Variants in NELL1 observed in about 807,000 individuals in gnomAD.
NELL1 encodes neural EGFL like 1, also known as protein kinase C-binding protein NELL1.
In NELL1, 76 loss-of-function variants were observed where a neutral mutation model predicts 107.4. The ratio of observed to expected loss-of-function variants is 0.71; its 90% CI spans 0.59 to 0.86. The LOEUF (loss-of-function observed/expected upper bound fraction) is 0.86, where lower values mean the gene tolerates loss of function less well. NELL1 is among the 40% of genes least tolerant of loss of function. NELL1 has a pLI of 0.00. For synonymous variants in NELL1, 353 were observed against 341.2 expected, an observed-to-expected ratio of 1.03 and a Z score of -0.38; for missense variants, 1,024 against 1,005.5, an observed-to-expected ratio of 1.02 and a Z score of -0.25.
chr11:20,855,373 T>C (rs1048499813), intron 4 of NELL1, among the ~76,000 whole-genome samples: 1 of 152,178 alleles, frequency 6.6e-6, no homozygotes. Context: ...ATAGACTCTT[T>C]CCTTTATCTG....
chr11:21,385,329 A>G (rs1851717637), intron 15 of NELL1, among the ~76,000 whole-genome samples: 1 of 151,938 alleles, frequency 6.6e-6, no homozygotes, highest in African/African-American at 2.4e-5. Context: ...TTTAACAAGA[A>G]GAAGCTCTTT....
intron 9 of NELL1, among the ~76,000 whole-genome samples, chr11:20,932,437 T>G (rs993596000): frequency 6.6e-6 from 1 of 152,152 alleles, no homozygotes; most frequent in Non-Finnish European, 1.5e-5. Flanking sequence ...GAGGTTGAAA[T>G]AGAGCTGCAA....
chr11:21,163,024 CCTGT>C (rs1856406088), intron 13 of NELL1, among the ~76,000 whole-genome samples: 1 of 152,140 alleles, frequency 6.6e-6, no homozygotes, highest in African/African-American at 2.4e-5. Context: ...AGGGATTAAA[CCTGT>C]CTATGAGACT....
chr11:21,043,376 G>T (rs1287176040), intron 12 of NELL1, among the ~76,000 whole-genome samples: 2 of 152,114 alleles, frequency 1.3e-5, no homozygotes, highest in South Asian at 4.1e-4. Context: ...CATGCTAGAT[G>T]TAAAGTCCTT....
At chr11:21,046,091 T>C (rs1853346797) in intron 12 of NELL1, among the ~76,000 whole-genome samples, 1 of 152,230 alleles carries the variant, frequency 6.6e-6, no homozygotes, top group South Asian at 2.1e-4. Flanking sequence ...TGAGTATTAA[T>C]GGCATTTTAA....
At chr11:21,359,414 A>G (rs777014498) in intron 14 of NELL1, among the ~76,000 whole-genome samples, 1 of 152,118 alleles carries the variant, frequency 6.6e-6, no homozygotes, top group Non-Finnish European at 1.5e-5. Flanking sequence ...CTAGTATTTT[A>G]TTGAAGATGT....
intron 17 of NELL1, among the ~76,000 whole-genome samples, 167 bp downstream of exon 17, chr11:21,560,549 C>T (rs2134001487): frequency 6.6e-6 from 1 of 152,120 alleles, no homozygotes; most frequent in East Asian, 1.9e-4. Context: ...GGTAGGGAAG[C>T]CTGCTTTGAA....
chr11:21,028,340 A>G (rs1852871394), intron 12 of NELL1, among the ~76,000 whole-genome samples: 1 of 152,194 alleles, frequency 6.6e-6, no homozygotes, highest in South Asian at 2.1e-4. Context: ...TGGGAAGAGA[A>G]TAATTACCTC....
intron 2 of NELL1, among the ~76,000 whole-genome samples, chr11:20,682,979 T>G (rs1380256003): frequency 6.6e-6 from 1 of 152,048 alleles, no homozygotes; most frequent in Non-Finnish European, 1.5e-5. Flanking sequence ...AATAAAATAA[T>G]TTGTGTTTTT....
intron 14 of NELL1, among the ~76,000 whole-genome samples, chr11:21,230,096 C>G (rs1251052608): frequency 6.6e-6 from 1 of 152,132 alleles, no homozygotes; most frequent in Admixed American, 6.5e-5. Context: ...TCTTTCATGT[C>G]TCTACTCAAA....
chr11:20,899,912 G>A (rs1213533208), intron 5 of NELL1, among the ~76,000 whole-genome samples: 1 of 152,140 alleles, frequency 6.6e-6, no homozygotes, highest in Non-Finnish European at 1.5e-5. Context: ...AACTATGGTA[G>A]TCTTAGCTTC....
intron 15 of NELL1, among the ~76,000 whole-genome samples, chr11:21,509,351 GTTCTAC>G (rs1312218644): frequency 4.6e-5 from 7 of 152,168 alleles, no homozygotes; most frequent in Non-Finnish European, 7.4e-5. Context: ...TGACCCAACA[GTTCTAC>G]TTCTAGGAAT....
chr11:21,232,718 A>G (rs1858095854), intron 14 of NELL1, among the ~76,000 whole-genome samples: 1 of 152,054 alleles, frequency 6.6e-6, no homozygotes, highest in African/African-American at 2.4e-5. Flanking sequence ...CAGTGGCTTG[A>G]TCTCAGCTCA....
At position 21,450,697 on chromosome 11, in the gene NELL1, A is replaced by C. The variant is rs551623588; in HGVS notation, c.1645+79749A>C. On this transcript the variant is annotated intron_variant, in intron 15 of 19. Transcript: ENST00000357134. ...ATATGATGAATTTGGAAGAAAGCCG[A>C]ATCTGGACAGACAGGAAAGGAAGGG... Among the ~76,000 whole-genome samples the C allele has an allele frequency of 5.0e-4, 76 of 152,314 alleles. 1 individual carries two copies. The South Asian group carries it at 0.015, about 29-fold the overall frequency.
intron 3 of NELL1, among the ~76,000 whole-genome samples, chr11:20,841,018 C>T (rs760902637): frequency 7.2e-5 from 11 of 152,136 alleles, no homozygotes; most frequent in Non-Finnish European, 1.3e-4. Context: ...TGCCTTTCTT[C>T]GGTTTCATGT....
chr11:20,699,198 C>A (rs1854704907), intron 2 of NELL1, among the ~76,000 whole-genome samples: 1 of 151,750 alleles, frequency 6.6e-6, no homozygotes. Flanking sequence ...GCCTGGGCAA[C>A]AGAGCAAGAC....
At chr11:21,455,962 C>T (rs1272607880) in intron 15 of NELL1, among the ~76,000 whole-genome samples, 1 of 100,448 alleles carries the variant, frequency 1.0e-5, no homozygotes, top group Non-Finnish European at 2.0e-5. Context: ...GATCTCGGCT[C>T]ACTACAACCT....
At chr11:20,818,883 T>A (rs1322055093) in intron 3 of NELL1, among the ~76,000 whole-genome samples, 1 of 152,250 alleles carries the variant, frequency 6.6e-6, no homozygotes, top group Admixed American at 6.5e-5. Context: ...TATTAGTCCC[T>A]GTGCTAGGTA....
intron 12 of NELL1, among the ~76,000 whole-genome samples, chr11:21,087,817 G>A (rs1854430768): frequency 6.6e-6 from 1 of 152,126 alleles, no homozygotes; most frequent in Non-Finnish European, 1.5e-5. Context: ...GGTTTGATTG[G>A]AACATAGCCA....
Sources: allele counts gnomAD v4.1 joint callset (sites outside exome capture counted in the v4.1 genomes callset), GRCh38; gene constraint gnomAD v4.1.1; transcripts MANE v1.5; gene names NCBI Gene and HGNC (gene_info 2026-07-23, HGNC 2026-07-21).